The following RAB3C variants were observed in gnomAD, a reference collection of about 807,000 sequenced individuals.
RAB3C encodes RAB3C, member RAS oncogene family.
A neutral mutation model predicts 26.4 loss-of-function variants in RAB3C; 17 were observed. The observed-to-expected ratio is 0.64, with a 90% CI of 0.44 to 0.97. The LOEUF (loss-of-function observed/expected upper bound fraction) is 0.97. Ranked by LOEUF, RAB3C falls within the 50% of genes least tolerant of loss-of-function variation. The pLI, the probability that RAB3C is intolerant of heterozygous loss-of-function variation, is 0.00. For missense variants in RAB3C, 242 were observed against 281.9 expected, an observed-to-expected ratio of 0.86 and a Z score of 1.01; for synonymous variants, 91 against 95.9, an observed-to-expected ratio of 0.95 and a Z score of 0.30.
At chr5:58,611,984 G>A (rs1392126254) in intron 1 of RAB3C, among the ~76,000 whole-genome samples, 1 of 152,130 alleles carries the variant, frequency 6.6e-6, no homozygotes, top group African/African-American at 2.4e-5. Context: ...TTATTGAATA[G>A]GGAGTCCTTT....
At chr5:58,827,328 C>T (rs1190449510) in intron 4 of RAB3C, among the ~76,000 whole-genome samples, 1 of 152,164 alleles carries the variant, frequency 6.6e-6, no homozygotes, top group African/African-American at 2.4e-5. Context: ...GAAACTGCTA[C>T]ACAGATGTAG....
chr5:58,594,889 G>T (rs1294923069), intron 1 of RAB3C, among the ~76,000 whole-genome samples: 6 of 142,458 alleles, frequency 4.2e-5, no homozygotes, highest in Non-Finnish European at 9.1e-5. Flanking sequence ...AATTTTTAGA[G>T]TACCTTACTA....
At chr5:58,705,103 T>A (rs372742250) in intron 2 of RAB3C, among the ~76,000 whole-genome samples, 69 of 152,254 alleles carry the variant, frequency 4.5e-4, no homozygotes, top group African/African-American at 1.6e-3. Context: ...TCTTTGATAA[T>A]TTTTTTAACC....
upstream of RAB3C, among the ~76,000 whole-genome samples, chr5:58,582,886 A>G (rs542693436): frequency 6.6e-6 from 1 of 152,250 alleles, no homozygotes; most frequent in East Asian, 1.9e-4. Context: ...TTTGGAAAGG[A>G]GTAGGGAGGC....
intron 2 of RAB3C, among the ~76,000 whole-genome samples, chr5:58,700,074 C>T (rs996918349): frequency 6.6e-5 from 10 of 152,314 alleles, no homozygotes; most frequent in African/African-American, 2.2e-4. Flanking sequence ...CAGACCAGAG[C>T]TGTTCCTATT....
intron 2 of RAB3C, among the ~76,000 whole-genome samples, chr5:58,676,598 G>A (rs894763179): frequency 3.3e-5 from 5 of 152,084 alleles, no homozygotes; most frequent in African/African-American, 7.2e-5. Flanking sequence ...CTGGAGGTGC[G>A]GGGTGGTAGG....
chr5:58,660,541 T>A (rs916659197), intron 2 of RAB3C, among the ~76,000 whole-genome samples: 1 of 150,292 alleles, frequency 6.7e-6, no homozygotes, highest in East Asian at 1.9e-4. Flanking sequence ...GAACAAAAAT[T>A]TGGCAAATAT....
At chr5:58,760,521 C>A (rs894334112) in intron 3 of RAB3C, among the ~76,000 whole-genome samples, 1 of 152,056 alleles carries the variant, frequency 6.6e-6, no homozygotes, top group Admixed American at 6.5e-5. Flanking sequence ...CATCATGATG[C>A]TCAAAAAAGG....
At chr5:58,829,399 A>G (rs1467054462) in intron 4 of RAB3C, among the ~76,000 whole-genome samples, 2 of 94,576 alleles carry the variant, frequency 2.1e-5, no homozygotes, top group East Asian at 2.2e-4. Context: ...TTCCTAAAAT[A>G]GAATAATTTA....
chr5:58,585,797 G>C (rs755179406), intron 1 of RAB3C, among the ~76,000 whole-genome samples: 1 of 152,044 alleles, frequency 6.6e-6, no homozygotes, highest in African/African-American at 2.4e-5. Context: ...GTTTTTTATA[G>C]TAACTACCAA....
intron 2 of RAB3C, among the ~76,000 whole-genome samples, chr5:58,680,887 G>A (rs1045327840): frequency 5.3e-5 from 8 of 152,050 alleles, no homozygotes; most frequent in Non-Finnish European, 1.2e-4. Context: ...CAGATTCAGG[G>A]GATTTGGATT....
At chr5:58,767,108 C>A (rs1319754544) in intron 3 of RAB3C, among the ~76,000 whole-genome samples, 1 of 152,128 alleles carries the variant, frequency 6.6e-6, no homozygotes, top group Non-Finnish European at 1.5e-5. Flanking sequence ...GTCTGGCACC[C>A]AGGGAAAGCA....
chr5:58,755,406 G>C lies in RAB3C; in HGVS notation c.371+29286G>C, dbSNP rs116910999. Among the ~76,000 whole-genome samples, 141 of 152,284 alleles carry C rather than the reference G, an allele frequency of 9.3e-4. 2 individuals are homozygous for C. The East Asian group carries it at 0.024, about 26-fold the overall frequency. On this transcript the variant is annotated intron_variant, in intron 3 of 4. Coordinates refer to ENST00000282878, the MANE Select transcript of RAB3C (RefSeq NM_138453.4). ...GGATACACTTTGTGTAATGTGTATTGTGAAATGGTGTTCATATTTTGGGTA... is the reference window on the plus strand; with the variant it reads ...GGATACACTTTGTGTAATGTGTATTCTGAAATGGTGTTCATATTTTGGGTA...
chr5:58,635,454 A>AAGGTGTGCC (rs1391019475), intron 2 of RAB3C, among the ~76,000 whole-genome samples: 1 of 152,136 alleles, frequency 6.6e-6, no homozygotes, highest in Non-Finnish European at 1.5e-5. Context: ...TTTTAAATTA[A>AAGGTGTGCC]AGGGTGTCAT....
chr5:58,795,979 G>A (rs1742638470), intron 3 of RAB3C, among the ~76,000 whole-genome samples: 1 of 152,122 alleles, frequency 6.6e-6, no homozygotes, highest in Non-Finnish European at 1.5e-5. Context: ...ATAATTCCTA[G>A]GACAACTGCA....
chr5:58,655,070 G>A (rs1159620203), intron 2 of RAB3C, among the ~76,000 whole-genome samples: 1 of 152,188 alleles, frequency 6.6e-6, no homozygotes, highest in African/African-American at 2.4e-5. Context: ...AAGGGACAAA[G>A]ACAGACCTAT....
chr5:58,645,992 A>G (rs921169517), intron 2 of RAB3C, among the ~76,000 whole-genome samples: 4 of 152,258 alleles, frequency 2.6e-5, no homozygotes, highest in African/African-American at 9.6e-5. Flanking sequence ...GGACAGGGCC[A>G]TAAGTGGGCT....
At chr5:58,725,387 T>A in intron 2 of RAB3C, among the ~76,000 whole-genome samples, 1 of 151,898 alleles carries the variant, frequency 6.6e-6, no homozygotes, top group Non-Finnish European at 1.5e-5. Flanking sequence ...AGAGTTTGAC[T>A]ATTATAAGTC....
intron 4 of RAB3C, among the ~76,000 whole-genome samples, chr5:58,846,223 C>A (rs764436319): frequency 6.6e-5 from 10 of 152,106 alleles, no homozygotes; most frequent in African/African-American, 2.4e-4. Flanking sequence ...TTTTGGCTAT[C>A]GTGAATAATG....
Sources: gnomAD v4.1 joint callset for allele counts (sites outside exome capture counted in the v4.1 genomes callset) on GRCh38, gnomAD v4.1.1 for gene constraint, MANE v1.5 for transcripts, NCBI Gene and HGNC (gene_info 2026-07-23, HGNC 2026-07-21) for gene names.